Variants in ATG2B observed in about 807,000 individuals in gnomAD.
ATG2B encodes the protein autophagy related 2B.
Under a neutral mutation model 241.3 loss-of-function variants are expected in ATG2B, and 121 were observed. The observed-to-expected ratio is 0.50, with a 90% CI of 0.43 to 0.58. The LOEUF is 0.58. ATG2B is among the 20% of genes least tolerant of loss of function. ATG2B has a pLI of 0.00. For synonymous variants in ATG2B, 858 were observed against 876.6 expected, an observed-to-expected ratio of 0.98 and a Z score of 0.37; for missense variants, 2,306 against 2,491.6, an observed-to-expected ratio of 0.93 and a Z score of 1.59.
At position 96,353,642 on chromosome 14, in the gene ATG2B, T is replaced by A. The variant is rs190877446; in HGVS notation, c.163-6301A>T. Among the ~76,000 whole-genome samples, 557 of 126,808 alleles carry A rather than the reference T, an allele frequency of 4.4e-3. 4 individuals are homozygous for A. The highest frequency in any genetic ancestry group is 0.013 in the African/African-American group (512 of 38,848). 83.2% of individuals were successfully genotyped at this position (126,808 alleles called of 152,430 possible). On this transcript the variant is annotated intron_variant, in intron 1 of 41. Coordinates refer to ENST00000359933, the MANE Select transcript of ATG2B (RefSeq NM_018036.7). ...ATCTGTCTCAAAAAAATTTCATATT[T>A]TATATATATATATATATAAATCATT... is the stretch of plus-strand genomic sequence containing the variant.
chr14:96,301,546 G>GT (rs1363240386), intron 34 of ATG2B, among the ~76,000 whole-genome samples: 6 of 151,988 alleles, frequency 3.9e-5, no homozygotes, highest in South Asian at 2.1e-4. Flanking sequence ...CCCAACTCCA[G>GT]TTTTTTTTAG....
Position 96,306,319 on chromosome 14 carries a change from CT to C in ATG2B, c.4506+394del, listed in dbSNP as rs1324555313. Among the ~76,000 whole-genome samples the C allele has an allele frequency of 4.3e-3, 647 of 149,938 alleles. 26 individuals carry two copies. In the South Asian group the frequency reaches 0.068, roughly 16 times the overall value. On this transcript the variant is annotated intron_variant, in intron 30 of 41. Coordinates refer to ENST00000359933, the MANE Select transcript of ATG2B (RefSeq NM_018036.7). ...TTCCAAATACACATACACACACACA[CT>C]TATATCTATACATACACACAAACAC...
chr14:96,344,631 T>C (rs376897739), intron 4 of ATG2B, 23 bp downstream of exon 4: 8 of 1,416,024 alleles, frequency 5.6e-6, no homozygotes, highest in Non-Finnish European at 7.9e-6. Flanking sequence ...GGGTCATTTA[T>C]TTTCAGACAT....
At position 96,362,938 on chromosome 14, in the gene ATG2B, G is replaced by C; in HGVS notation, c.39C>G (p.Ala13=). The part of the protein sequence containing the change: ...WPFSESIKKR[A]CRYLLQRYLG... Reference sequence around the variant, plus strand: ...GGTACCTCTGCAGGAGGTACCGGCAGGCCCTCTTCTTGATGGACTCCGAAA... The same window carrying C: ...GGTACCTCTGCAGGAGGTACCGGCACGCCCTCTTCTTGATGGACTCCGAAA... Residue 13 remains alanine (A), a synonymous_variant, in exon 1 of 42, where the codon GCC becomes GCG. Transcript: ENST00000359933. The C allele has an allele frequency of 6.2e-7, 1 of 1,613,606 alleles. No homozygotes were observed. The highest frequency in any genetic ancestry group is 8.5e-7 in the Non-Finnish European group (1 of 1,179,936).
intron 1 of ATG2B, among the ~76,000 whole-genome samples, chr14:96,349,836 C>G (rs1566735206): frequency 6.6e-6 from 1 of 152,176 alleles, no homozygotes; most frequent in East Asian, 1.9e-4. Flanking sequence ...GGAGAGCCAT[C>G]TGGGTGGGAG....
At chr14:96,295,739 A>ACACACACACACACC (rs1179199955) in intron 34 of ATG2B, among the ~76,000 whole-genome samples, 179 bp from the exon 35 acceptor site, 1 of 151,908 alleles carries the variant, frequency 6.6e-6, no homozygotes, top group East Asian at 1.9e-4. Context: ...ACACACACAC[A>ACACACACACACACC]CACACACACA....
chr14:96,315,688 T>A (rs1566722774), intron 21 of ATG2B, 105 bp from the exon 22 acceptor site: 1 of 821,542 alleles, frequency 1.2e-6, no homozygotes, highest in Admixed American at 2.5e-5. Flanking sequence ...CCACTGAATA[T>A]AACTTAAGGA....
intron 19 of ATG2B, 68 bp downstream of exon 19, chr14:96,317,630 C>A: frequency 2.3e-6 from 3 of 1,291,634 alleles, no homozygotes; most frequent in Admixed American, 2.4e-5. Flanking sequence ...ATCCACAATT[C>A]AAAGGTTAGT....
intron 26 of ATG2B, 108 bp downstream of exon 26, chr14:96,311,981 T>TA: frequency 1.2e-6 from 1 of 808,178 alleles, no homozygotes; most frequent in Non-Finnish European, 2.1e-6. Flanking sequence ...GGATCTTTAA[T>TA]AAGATTCTTA....
chr14:96,320,143 C>A (rs556287024), intron 18 of ATG2B, among the ~76,000 whole-genome samples: 1 of 152,104 alleles, frequency 6.6e-6, no homozygotes, highest in South Asian at 2.1e-4. Context: ...CCAATTACCC[C>A]CAAGTGCCAC....
chr14:96,350,687 C>T (rs1290949853), intron 1 of ATG2B, among the ~76,000 whole-genome samples: 2 of 152,190 alleles, frequency 1.3e-5, no homozygotes, highest in Admixed American at 6.5e-5. Context: ...TTTGTCTGTA[C>T]CCTAGTGTTG....
At chr14:96,310,529 G>T (rs1356699014) in intron 28 of ATG2B, among the ~76,000 whole-genome samples, 3 of 152,182 alleles carry the variant, frequency 2.0e-5, no homozygotes, top group Non-Finnish European at 2.9e-5. Context: ...GGGCAGAAAA[G>T]TGCATTGAAC....
chr14:96,290,011 C>G lies in ATG2B; in HGVS notation c.5857-206G>C. 1.1e-6 allele frequency: 1 copy of G among 879,378 alleles called. No homozygotes were observed. The highest frequency in any genetic ancestry group is 1.6e-6 in the Non-Finnish European group (1 of 617,468). 54.5% of individuals were successfully genotyped at this position (879,378 alleles called of 1,614,324 possible). On this transcript the variant is annotated intron_variant, in intron 40 of 41. Coordinates refer to ENST00000359933, the MANE Select transcript of ATG2B (RefSeq NM_018036.7). This position sits in a 1 kb window ranked among gnomAD's most constrained non-coding sequence, Gnocchi z 4.4. ...AAAAGTATAAATTAATAACTAACAC[C>G]TGGATTGAGCTAAATTTTTAGCCCC...
chr14:96,312,149 C>G lies in ATG2B; in HGVS notation c.3853G>C (p.Asp1285His). ...KSSSTLRIIL[D>H]EAALHLSDKC... ...TCAGATAGATGTAAAGCAGCTTCAT[C>G]CAAGATTATTCTGAGGCAAGAAAGA... Residue 1285 changes from aspartate (D) to histidine (H), a missense_variant, in exon 26 of 42, where the codon GAT becomes CAT. Around this residue, in one of 2 missense-constraint regions of ATG2B, gnomAD observed 1,927 missense variants for 2,011.2 expected, o/e 0.96. Coordinates refer to ENST00000359933, the MANE Select transcript of ATG2B (RefSeq NM_018036.7). 1 of 1,599,648 alleles carries G rather than the reference C, an allele frequency of 6.3e-7. No individual in the cohort carries two copies. The highest frequency in any genetic ancestry group is 8.5e-7 in the Non-Finnish European group (1 of 1,175,836).
At position 96,301,705 on chromosome 14, in the gene ATG2B, T is replaced by C. The variant is rs566669865; in HGVS notation, c.5139+302A>G. On this transcript the variant is annotated intron_variant, in intron 34 of 41. Transcript: ENST00000359933. ...TTCATCAGGGAATCCTCTAATACTCTCTGAAAATGTATGCATATCTGAACT... is the reference window on the plus strand; with the variant it reads ...TTCATCAGGGAATCCTCTAATACTCCCTGAAAATGTATGCATATCTGAACT... Among the ~76,000 whole-genome samples the C allele has an allele frequency of 8.5e-5, 13 of 152,238 alleles. No homozygotes were observed. The South Asian group carries it at 2.5e-3, about 29-fold the overall frequency.
intron 18 of ATG2B, among the ~76,000 whole-genome samples, chr14:96,318,931 G>A (rs367581688): frequency 6.6e-6 from 1 of 152,214 alleles, no homozygotes; most frequent in Non-Finnish European, 1.5e-5. Flanking sequence ...GCCCAAGAGA[G>A]GGACTTGTGT....
intron 20 of ATG2B, 141 bp downstream of exon 20, chr14:96,317,004 G>C: frequency 1.2e-6 from 1 of 816,274 alleles, no homozygotes; most frequent in Non-Finnish European, 1.9e-6. Context: ...TATCATCATG[G>C]TTTGCCCCAG....
At chr14:96,288,446 T>C (rs1886396910) in intron 41 of ATG2B, among the ~76,000 whole-genome samples, 1 of 152,226 alleles carries the variant, frequency 6.6e-6, no homozygotes, top group South Asian at 2.1e-4. Context: ...TTTAGCCTAT[T>C]GATAGCTGGC....
rs73363250 is a variant in ATG2B, at chr14:96,315,587, G to C, written c.3362-4C>G. The stretch of plus-strand genomic sequence containing the variant: ...AGAATCACTCCATTCACTATGCCTA[G>C]AGATCCACATTGAGGTAAAAATAGT... On this transcript the variant is annotated splice_polypyrimidine_tract_variant and splice_region_variant and intron_variant, in intron 21 of 41. Transcript: ENST00000359933. 3.8e-3 allele frequency: 6,092 copies of C among 1,610,182 alleles called. 214 individuals carry two copies. The African/African-American group carries it at 0.071, about 19-fold the overall frequency.
Sources: gnomAD v4.1 joint callset for allele counts (sites outside exome capture counted in the v4.1 genomes callset) on GRCh38, gnomAD v4.1.1 for gene constraint, gnomAD v4.1.1 regional missense constraint, Gnocchi (gnomAD v3.1) non-coding constraint, MANE v1.5 for transcripts, NCBI Gene and HGNC (gene_info 2026-07-23, HGNC 2026-07-21) for gene names.